Variants in RASGEF1A observed in about 807,000 individuals in gnomAD.
RASGEF1A encodes the protein RasGEF domain family member 1A, also known as ras-GEF domain-containing family member 1A.
A neutral mutation model predicts 56.4 loss-of-function variants in RASGEF1A; 18 were observed. The ratio of observed to expected loss-of-function variants is 0.32; its 90% CI spans 0.22 to 0.47. RASGEF1A has a LOEUF of 0.47. Among genes scored for constraint, RASGEF1A ranks in the 20% least tolerant of loss-of-function variants. The pLI, the probability that RASGEF1A is intolerant of heterozygous loss-of-function variation, is 1.00. For synonymous variants in RASGEF1A, 245 were observed against 242.6 expected (o/e 1.01, Z -0.09); for missense variants, 422 against 627.1 (o/e 0.67, Z 3.49).
Position 43,267,050 on chromosome 10 carries a change from CGAGCGAGCGCG to C in RASGEF1A, c.-223_-213del, listed in dbSNP as rs1260949674. The C allele has an allele frequency of 1.3e-5, 2 of 150,184 alleles. No homozygotes were observed. The highest frequency in any genetic ancestry group is 6.6e-5 in the Admixed American group (1 of 15,110). The allele number at this position is 150,184 out of a possible 1,614,324, so 9.3% of individuals were successfully genotyped here. Reference sequence around the variant, plus strand: ...CGGGGAGCGCGAGCGAGCGAGCGAACGAGCGAGCGCGGAGCGAGCGCCGAGCGGGCACGGAG... The same window carrying C: ...CGGGGAGCGCGAGCGAGCGAGCGAACGAGCGAGCGCCGAGCGGGCACGGAG... On this transcript the variant is annotated 5_prime_UTR_variant, in exon 1 of 13. Transcript: ENST00000395810.
intron 1 of RASGEF1A, among the ~76,000 whole-genome samples, chr10:43,247,516 A>T (rs1840580254): frequency 6.6e-6 from 1 of 152,264 alleles, no homozygotes; most frequent in African/African-American, 2.4e-5. Flanking sequence ...CCAAATATCC[A>T]TTAACTAATG....
chr10:43,203,554 CG>C, intron 2 of RASGEF1A, 134 bp from the exon 3 acceptor site: 1 of 1,368,530 alleles, frequency 7.3e-7, no homozygotes, highest in Middle Eastern at 2.7e-4. Context: ...TTCACCTGCC[CG>C]GTTCCCTTCG....
intron 1 of RASGEF1A, among the ~76,000 whole-genome samples, chr10:43,251,461 C>T (rs893815771): frequency 6.6e-6 from 1 of 152,192 alleles, no homozygotes; most frequent in African/African-American, 2.4e-5. Context: ...TTCCAGAACA[C>T]ACTCACGCAT....
rs985715945 is a variant in RASGEF1A, at chr10:43,208,831, A to C, written c.-6-2709T>G. On this transcript the variant is annotated intron_variant, in intron 1 of 12. Transcript: ENST00000395810. ...AGGAGGGTCTCCAGGGCTCAGTGCC[A>C]AGTGGAGAGGCAGGTTCCCTACATG... 3.1e-5 allele frequency: 31 copies of C among 985,380 alleles called. No homozygotes were observed. The African/African-American group carries it at 5.1e-4, about 16-fold the overall frequency. 61.0% of individuals were successfully genotyped at this position (985,380 alleles called of 1,614,324 possible). A position where few individuals can be genotyped will look rare whatever the true frequency, so the allele number is the denominator to read the frequency against.
rs573784570 is a variant in RASGEF1A at position 43,206,436 on chromosome 10, G to A, written c.-6-314C>T. Among the ~76,000 whole-genome samples the A allele has an allele frequency of 2.4e-4, 37 of 152,366 alleles. No individual in the cohort carries two copies. The South Asian group carries it at 3.7e-3, about 15-fold the overall frequency. On this transcript the variant is annotated intron_variant, in intron 1 of 12. Coordinates refer to ENST00000395810, the MANE Select transcript of RASGEF1A (RefSeq NM_145313.4). Reference sequence around the variant, plus strand: ...GTCCAAGAAGGGACAGGGAGCCTGCGGTGGGCAGTCAGGGCTGCCTGGGGT... The same window carrying A: ...GTCCAAGAAGGGACAGGGAGCCTGCAGTGGGCAGTCAGGGCTGCCTGGGGT...
At chr10:43,207,454 T>C (rs1328760251) in intron 1 of RASGEF1A, 6 of 977,046 alleles carry the variant, frequency 6.1e-6, no homozygotes, top group Non-Finnish European at 7.3e-6. Context: ...AGCACGTCCC[T>C]GTCCCTCCCA....
chr10:43,207,971 A>G, intron 1 of RASGEF1A: 1 of 915,634 alleles, frequency 1.1e-6, no homozygotes, highest in African/African-American at 1.8e-5. Context: ...GTTGACCCAC[A>G]AAGCCAGAAG....
chr10:43,235,482 C>CAGCAGTGT (rs1373979408), intron 1 of RASGEF1A, among the ~76,000 whole-genome samples: 29 of 152,234 alleles, frequency 1.9e-4, no homozygotes, highest in Non-Finnish European at 3.1e-4. Context: ...TTCAACAATG[C>CAGCAGTGT]AGCAGTGTGG....
rs565737325 is a variant in RASGEF1A at position 43,245,871 on chromosome 10, T to A, written c.-7+20974A>T. Among the ~76,000 whole-genome samples the A allele has an allele frequency of 3.9e-5, 6 of 152,310 alleles. No individual in the cohort carries two copies. The South Asian group carries it at 1.2e-3, about 32-fold the overall frequency. On this transcript the variant is annotated intron_variant, in intron 1 of 12. Transcript: ENST00000395810. ...AAAACAAAACAAATATGTCTGCTCTTGCCTCTTCTATTTAACATTGCTCTG... is the reference window on the plus strand; with the variant it reads ...AAAACAAAACAAATATGTCTGCTCTAGCCTCTTCTATTTAACATTGCTCTG...
chr10:43,250,513 G>A (rs922900399), intron 1 of RASGEF1A, among the ~76,000 whole-genome samples: 10 of 152,306 alleles, frequency 6.6e-5, no homozygotes, highest in East Asian at 1.9e-4. Context: ...CCTGGGCTCC[G>A]CCCCCAGGCC....
rs116260578 is a variant in RASGEF1A at position 43,200,090 on chromosome 10, C to T, written c.756+92G>A. The T allele has an allele frequency of 4.0e-3, 4,139 of 1,029,328 alleles. 129 individuals are homozygous for T. The African/African-American group carries it at 0.058, about 14-fold the overall frequency. The allele number at this position is 1,029,328 out of a possible 1,614,324, so 63.8% of individuals were successfully genotyped here. On this transcript the variant is annotated intron_variant, in intron 6 of 12. Coordinates refer to ENST00000395810, the MANE Select transcript of RASGEF1A (RefSeq NM_145313.4). ...CCCAGCACTCCGGAGACGCTCGGGG[C>T]GTGCTGAGTGAGGCCCACACCCACC...
intron 1 of RASGEF1A, among the ~76,000 whole-genome samples, chr10:43,235,185 A>G (rs558466159): frequency 6.6e-6 from 1 of 152,344 alleles, no homozygotes; most frequent in South Asian, 2.1e-4. Context: ...GGAGGGGGTG[A>G]ATGGGAGTCA....
chr10:43,224,374 C>G (rs750418195), intron 1 of RASGEF1A, among the ~76,000 whole-genome samples: 7 of 152,146 alleles, frequency 4.6e-5, no homozygotes, highest in Non-Finnish European at 8.8e-5. Flanking sequence ...AGCAACACAT[C>G]AGTAAAATGA....
chr10:43,246,317 T>C (rs546120312), intron 1 of RASGEF1A, among the ~76,000 whole-genome samples: 1 of 152,318 alleles, frequency 6.6e-6, no homozygotes, highest in South Asian at 2.1e-4. Flanking sequence ...GACAATATTC[T>C]TCAGATGGCA....
chr10:43,199,571 T>G, intron 7 of RASGEF1A, 105 bp downstream of exon 7: 1 of 890,324 alleles, frequency 1.1e-6, no homozygotes. Context: ...AGGGACTTTG[T>G]GCATTCACTC....
intron 1 of RASGEF1A, among the ~76,000 whole-genome samples, chr10:43,246,361 A>T (rs1356685787): frequency 1.3e-5 from 2 of 152,184 alleles, no homozygotes; most frequent in African/African-American, 4.8e-5. Flanking sequence ...ATTCAATGCA[A>T]TCCCTATCAA....
At position 43,205,965 on chromosome 10, in the gene RASGEF1A, T is replaced by A. The variant is rs772048762; in HGVS notation, c.152A>T (p.Glu51Val). The A allele has an allele frequency of 1.9e-5, 30 of 1,613,186 alleles. No homozygotes were observed. Among genetic ancestry groups the A allele is most frequent in the Non-Finnish European group, 2.5e-5 (29 of 1,179,992 alleles). Residue 51 changes from glutamate to valine, a missense_variant, in exon 2 of 13, where the codon GAG (glutamate) becomes GTG (valine). Physicochemically the swap from Glu to Val is moderately radical, Grantham distance 121. Transcript: ENST00000395810. ...GGGAACAAGGTGCTCCATCAGGGCC[T>A]CCAGGGACCCAGAGATGAGGTGTCC... Reference protein sequence around the residue: ...QDGHLISGSLEALMEHLVPTV... With the variant: ...QDGHLISGSLVALMEHLVPTV...
At chr10:43,258,172 G>A (rs1161570499) in intron 1 of RASGEF1A, among the ~76,000 whole-genome samples, 1 of 152,218 alleles carries the variant, frequency 6.6e-6, no homozygotes, top group East Asian at 1.9e-4. Context: ...AGAACCCTGC[G>A]CCAGTCAACT....
rs573297817 is a variant in RASGEF1A, at chr10:43,194,736, C to G, written c.*1508G>C. 2.0e-5 allele frequency: 3 copies of G among 152,508 alleles called. No individual in the cohort carries two copies. Among genetic ancestry groups the G allele is most frequent in the Admixed American group, 2.0e-4 (3 of 15,312 alleles). 9.4% of individuals were successfully genotyped at this position (152,508 alleles called of 1,614,324 possible). A position where few individuals can be genotyped will look rare whatever the true frequency, so the allele number is the denominator to read the frequency against. ...TAGAACTGATCACCCGTGAAGTGCACGTGGGTGTGTACAGAAACCGTTCTA... is the reference window on the plus strand; with the variant it reads ...TAGAACTGATCACCCGTGAAGTGCAGGTGGGTGTGTACAGAAACCGTTCTA... On this transcript the variant is annotated 3_prime_UTR_variant, in exon 13 of 13. Transcript: ENST00000395810.
Sources: gnomAD v4.1 joint callset for allele counts (sites outside exome capture counted in the v4.1 genomes callset) on GRCh38, gnomAD v4.1.1 for gene constraint, MANE v1.5 for transcripts, NCBI Gene and HGNC (gene_info 2026-07-23, HGNC 2026-07-21) for gene names.